Variants in PFKL observed in about 807,000 individuals in gnomAD.
PFKL encodes the protein ATP-dependent 6-phosphofructokinase, liver type.
PFKL carries 74 observed loss-of-function variants against 92.1 expected under a neutral mutation model. The observed-to-expected ratio is 0.80, with a 90% confidence interval of 0.67 to 0.97. PFKL has a LOEUF of 0.97. Among genes scored for constraint, PFKL ranks in the 50% least tolerant of loss-of-function variants. The pLI is 0.00. For synonymous variants in PFKL, 494 were observed against 456.4 expected (o/e 1.08, Z -1.05); for missense variants, 1,028 against 1,116.6 (o/e 0.92, Z 1.13).
At chr21:44,317,418 C>G (rs2047237777) in intron 9 of PFKL, among the ~76,000 whole-genome samples, 1 of 152,216 alleles carries the variant, frequency 6.6e-6, no homozygotes, top group Non-Finnish European at 1.5e-5. Context: ...GCTGCTGTCC[C>G]CTCTGTGAGG....
intron 2 of PFKL, among the ~76,000 whole-genome samples, chr21:44,309,348 G>A (rs776724498): frequency 3.4e-4 from 51 of 152,222 alleles, no homozygotes; most frequent in East Asian, 3.9e-4. Context: ...AGCAGGGAGG[G>A]CCCTGAGCCT....
At chr21:44,313,513 G>C in intron 5 of PFKL, 125 bp from the exon 6 acceptor site, 1 of 882,194 alleles carries the variant, frequency 1.1e-6, no homozygotes, top group South Asian at 1.5e-5. Flanking sequence ...CAGAGCCTGG[G>C]CATGAGAAGG....
chr21:44,309,309 C>T (rs1219967994), intron 2 of PFKL, among the ~76,000 whole-genome samples: 2 of 151,974 alleles, frequency 1.3e-5, no homozygotes, highest in African/African-American at 2.4e-5. Context: ...ACAGGCTACT[C>T]TTATCCCCCC....
chr21:44,305,410 C>A (rs1181725635), intron 1 of PFKL: 3 of 1,362,480 alleles, frequency 2.2e-6, no homozygotes, highest in Non-Finnish European at 2.9e-6. Context: ...AGCAGGAGCC[C>A]CCAGCAGGTC....
At chr21:44,315,918 G>C (rs747462319) in intron 7 of PFKL, 88 of 387,202 alleles carry the variant, frequency 2.3e-4, no homozygotes, top group African/African-American at 9.1e-4. Flanking sequence ...CGCCTGGAAG[G>C]CTTCACCAGA....
chr21:44,303,335 G>A (rs934822870), intron 1 of PFKL, among the ~76,000 whole-genome samples: 7 of 150,420 alleles, frequency 4.7e-5, no homozygotes, highest in African/African-American at 1.7e-4. Flanking sequence ...CGCTTGAACC[G>A]GGGAGGCAGA....
chr21:44,308,966 A>G (rs1281417180), intron 2 of PFKL, among the ~76,000 whole-genome samples: 1 of 151,996 alleles, frequency 6.6e-6, no homozygotes, highest in African/African-American at 2.4e-5. Context: ...TCCTACGATG[A>G]CCTCAGTGCA....
intron 1 of PFKL, chr21:44,305,459 GC>G: frequency 1.1e-6 from 1 of 915,068 alleles, no homozygotes; most frequent in Non-Finnish European, 1.6e-6. Context: ...GGGTGGGAGG[GC>G]AGGGGCTTTT....
rs2040833380 is a variant in PFKL, at chr21:44,303,441, A to AAAAGACTTGATCG, written c.86-3237_86-3236insGACTTGATCGAAA. Among the ~76,000 whole-genome samples the AAAAGACTTGATCG allele has an allele frequency of 1.0e-4, 10 of 97,122 alleles. 1 individual carries two copies. Among genetic ancestry groups the AAAAGACTTGATCG allele is most frequent in the Admixed American group, 2.2e-4 (2 of 8,958 alleles). The allele number at this position is 97,122 out of a possible 152,430, so 63.7% of individuals were successfully genotyped here. A position where few individuals can be genotyped will look rare whatever the true frequency, so the allele number is the denominator to read the frequency against. On this transcript the variant is annotated intron_variant, in intron 1 of 21. Transcript: ENST00000349048. Reference sequence around the variant, plus strand: ...AAAAAAACAGACTTGACCAAAAAAAAAAAAAAAAAAAAAATGGCCCGGCCT... The same window carrying AAAAGACTTGATCG: ...AAAAAAACAGACTTGACCAAAAAAAAAAAGACTTGATCGAAAAAAAAAAAAAATGGCCCGGCCT...
intron 6 of PFKL, 77 bp downstream of exon 6, chr21:44,313,759 T>C (rs1443797030): frequency 6.8e-7 from 1 of 1,464,454 alleles, no homozygotes; most frequent in Admixed American, 1.9e-5. Flanking sequence ...GCATATTTAT[T>C]CTAGGGCTCA....
chr21:44,325,683 G>T, intron 19 of PFKL: 1 of 520,784 alleles, frequency 1.9e-6, no homozygotes, highest in Non-Finnish European at 3.5e-6. Flanking sequence ...GCCCGAGGTG[G>T]GGCCGCTGGC....
At chr21:44,310,540 G>A (rs1204210831) in intron 2 of PFKL, among the ~76,000 whole-genome samples, 1 of 152,192 alleles carries the variant, frequency 6.6e-6, no homozygotes, top group Non-Finnish European at 1.5e-5. Context: ...GCAAGAGCAC[G>A]CGCCGCACAC....
At chr21:44,313,559 C>A in intron 5 of PFKL, 79 bp from the exon 6 acceptor site, 1 of 1,414,888 alleles carries the variant, frequency 7.1e-7, no homozygotes, top group African/African-American at 1.4e-5. Flanking sequence ...CCACTGGGTC[C>A]CTTGAGCACC....
At chr21:44,304,209 A>C in intron 1 of PFKL, 1 of 1,287,598 alleles carries the variant, frequency 7.8e-7, no homozygotes, top group East Asian at 5.6e-5. Flanking sequence ...GAGCACCCTG[A>C]AGACATTTGG....
intron 11 of PFKL, 95 bp downstream of exon 11, chr21:44,319,510 G>C (rs915403544): frequency 1.5e-5 from 16 of 1,074,924 alleles, no homozygotes; most frequent in Non-Finnish European, 2.3e-5. Context: ...CCTGGCCTGG[G>C]TCATCCTTCT....
At chr21:44,307,060 G>A (rs965985742) in intron 2 of PFKL, among the ~76,000 whole-genome samples, 5 of 152,114 alleles carry the variant, frequency 3.3e-5, no homozygotes, top group South Asian at 2.1e-4. Context: ...GATCGCTGAC[G>A]GGCCAGGCCC....
intron 4 of PFKL, among the ~76,000 whole-genome samples, chr21:44,312,569 A>C (rs2047079495): frequency 6.6e-6 from 1 of 152,172 alleles, no homozygotes; most frequent in Admixed American, 6.5e-5. Context: ...CTGCGTAGAC[A>C]AGTCTTCTCT....
chr21:44,307,172 C>T (rs994441650), intron 2 of PFKL: 2 of 588,594 alleles, frequency 3.4e-6, no homozygotes, highest in African/African-American at 2.0e-5. Context: ...TGCCCTTGTC[C>T]TCCCCAGCCT....
At position 44,323,168 on chromosome 21, in the gene PFKL, G is replaced by A. The variant is rs1433891657; in HGVS notation, c.1497+119G>A. ...GCTGGGCCGATGCAGGGGCCGAGAG[G>A]GTCGGGGTTTTAAGTGCTGTGTGTG... On this transcript the variant is annotated intron_variant, in intron 15 of 21. Coordinates refer to ENST00000349048, the MANE Select transcript of PFKL (RefSeq NM_002626.6). The A allele has an allele frequency of 2.0e-5, 16 of 819,268 alleles. No individual in the cohort carries two copies. In the Admixed American group the frequency reaches 3.4e-4, roughly 18 times the overall value. The allele number at this position is 819,268 out of a possible 1,614,324, so 50.7% of individuals were successfully genotyped here. A position where few individuals can be genotyped will look rare whatever the true frequency, so the allele number is the denominator to read the frequency against.
Sources: gnomAD v4.1 joint callset for allele counts (sites outside exome capture counted in the v4.1 genomes callset) on GRCh38, gnomAD v4.1.1 for gene constraint, MANE v1.5 for transcripts, NCBI Gene and HGNC (gene_info 2026-07-23, HGNC 2026-07-21) for gene names.